The following CCNJ variants were observed in gnomAD, a reference collection of about 807,000 sequenced individuals.
The protein encoded by CCNJ is cyclin J, also known as cyclin-J.
In CCNJ, 12 loss-of-function variants were observed where a neutral mutation model predicts 41.4. That is an observed-to-expected ratio of 0.29 (90% CI 0.19 to 0.47). The LOEUF is 0.47. Among genes scored for constraint, CCNJ ranks in the 20% least tolerant of loss-of-function variants. CCNJ has a pLI of 1.00. For synonymous variants in CCNJ, 161 were observed against 173.4 expected, an observed-to-expected ratio of 0.93 and a Z score of 0.56; for missense variants, 340 against 464.6, an observed-to-expected ratio of 0.73 and a Z score of 2.47.
chr10:96,056,645 A>G (rs915238835), intron 3 of CCNJ, 56 bp from the exon 4 acceptor site: 40 of 1,310,144 alleles, frequency 3.1e-5, no homozygotes, highest in Non-Finnish European at 4.3e-6. Flanking sequence ...TGACTAGACC[A>G]ATAATGATCA....
At chr10:96,043,800 C>CCTCT (rs2080279302) in intron 1 of CCNJ, 81 bp downstream of exon 1, 2 of 384,602 alleles carry the variant, frequency 5.2e-6, no homozygotes, top group Admixed American at 9.0e-5. Context: ...GGGTGAGGCG[C>CCTCT]AGAGCCTGGC....
At chr10:96,047,638 AAAC>A (rs1400606877) in intron 2 of CCNJ, among the ~76,000 whole-genome samples, 1 of 152,224 alleles carries the variant, frequency 6.6e-6, no homozygotes, top group African/African-American at 2.4e-5. Context: ...CTGTCTCAAA[AAAC>A]AACAATTGAT....
intron 4 of CCNJ, 43 bp downstream of exon 4, chr10:96,057,043 A>C: frequency 6.2e-7 from 1 of 1,612,460 alleles, no homozygotes; most frequent in Non-Finnish European, 8.5e-7. Flanking sequence ...TGCACTTGTG[A>C]CTCGTGTATT....
At chr10:96,051,300 G>C (rs1384858749) in intron 3 of CCNJ, among the ~76,000 whole-genome samples, 1 of 152,020 alleles carries the variant, frequency 6.6e-6, no homozygotes, top group Non-Finnish European at 1.5e-5. Flanking sequence ...TCTCACTGAA[G>C]ATAGGGCACG....
At chr10:96,051,716 A>AT (rs1248580199) in intron 3 of CCNJ, among the ~76,000 whole-genome samples, 1 of 152,168 alleles carries the variant, frequency 6.6e-6, no homozygotes, top group Non-Finnish European at 1.5e-5. Context: ...AACCAAATGT[A>AT]GTCCTATGTA....
At chr10:96,044,728 AATTTGATCTTGT>A (rs1201417065) in intron 2 of CCNJ, among the ~76,000 whole-genome samples, 2 of 152,152 alleles carry the variant, frequency 1.3e-5, no homozygotes, top group Non-Finnish European at 2.9e-5. Flanking sequence ...GTGGGTCATG[AATTTGATCTTGT>A]ATTTTAAAAG....
Position 96,050,336 on chromosome 10 carries a change from G to T in CCNJ, c.150G>T (p.Val50=). Residue 50 remains valine, a synonymous_variant, in exon 3 of 6, where the codon GTG becomes GTT. Coordinates refer to ENST00000465148, the MANE Select transcript of CCNJ (RefSeq NM_001134375.2). Reference sequence around the variant, plus strand: ...ATTTTGCTGACTTGATTGCCATTGTGAGCAATCGCTTCACACTCTGCCCTT... The same window carrying T: ...ATTTTGCTGACTTGATTGCCATTGTTAGCAATCGCTTCACACTCTGCCCTT... The part of the protein sequence containing the change: ...RRYFADLIAI[V]SNRFTLCPSA... The T allele has an allele frequency of 1.2e-6, 2 of 1,613,944 alleles. No homozygotes were observed. The highest frequency in any genetic ancestry group is 1.7e-6 in the Non-Finnish European group (2 of 1,179,878).
chr10:96,053,504 A>G (rs2080590677), intron 3 of CCNJ, among the ~76,000 whole-genome samples: 1 of 152,086 alleles, frequency 6.6e-6, no homozygotes, highest in Admixed American at 6.5e-5. Context: ...CTGGACCCTA[A>G]TTTGTCCAGG....
intron 3 of CCNJ, among the ~76,000 whole-genome samples, chr10:96,055,167 T>C (rs2080646891): frequency 6.6e-6 from 1 of 152,248 alleles, no homozygotes; most frequent in South Asian, 2.1e-4. Flanking sequence ...GGAAGGGCTA[T>C]CTAGATTCAA....
rs2080275323 is a variant in CCNJ, at chr10:96,043,684, A to G, written c.-77A>G. 2.5e-6 allele frequency: 1 copy of G among 393,508 alleles called. No individual in the cohort carries two copies. Among genetic ancestry groups the G allele is most frequent in the Non-Finnish European group, 4.5e-6 (1 of 222,854 alleles). The allele number at this position is 393,508 out of a possible 1,614,324, so 24.4% of individuals were successfully genotyped here. A position where few individuals can be genotyped will look rare whatever the true frequency, so the allele number is the denominator to read the frequency against. ...GAGCGGGGCCGGCGTCCGCCGCACG[A>G]CGGCGGGGCTGGGGCTGTGAGGGCC... is the stretch of plus-strand genomic sequence containing the variant. On this transcript the variant is annotated 5_prime_UTR_variant, in exon 1 of 6. Coordinates refer to ENST00000465148, the MANE Select transcript of CCNJ (RefSeq NM_001134375.2).
intron 5 of CCNJ, among the ~76,000 whole-genome samples, 171 bp from the exon 6 acceptor site, chr10:96,057,659 G>C (rs1198976392): frequency 2.6e-5 from 4 of 152,194 alleles, no homozygotes; most frequent in African/African-American, 9.7e-5. Context: ...AAGGGAAATA[G>C]CTTTAGAAGA....
Position 96,058,682 on chromosome 10 carries a change from AG to A in CCNJ, c.*443del. On this transcript the variant is annotated 3_prime_UTR_variant, in exon 6 of 6. Coordinates refer to ENST00000465148, the MANE Select transcript of CCNJ (RefSeq NM_001134375.2). The stretch of plus-strand genomic sequence containing the variant: ...AAAGTTACAGTATTAATTTTTGAAA[AG>A]GTTTTTTTTATTCTGCAATTTTTTA... 1 of 398,364 alleles carries A rather than the reference AG, an allele frequency of 2.5e-6. No individual in the cohort carries two copies. Among genetic ancestry groups the A allele is most frequent in the Non-Finnish European group, 4.4e-6 (1 of 226,194 alleles). 24.7% of individuals were successfully genotyped at this position (398,364 alleles called of 1,614,324 possible).
intron 2 of CCNJ, among the ~76,000 whole-genome samples, chr10:96,045,930 C>T (rs1350246296): frequency 6.6e-6 from 1 of 152,090 alleles, no homozygotes; most frequent in Non-Finnish European, 1.5e-5. Context: ...CCACTGCGCC[C>T]AGCCAAGAGT....
chr10:96,044,457 T>C lies in CCNJ; in HGVS notation c.64T>C (p.Tyr22His), dbSNP rs1355398879. The C allele has an allele frequency of 6.4e-7, 1 of 1,552,752 alleles. No individual in the cohort carries two copies. The highest frequency in any genetic ancestry group is 2.4e-5 in the East Asian group (1 of 40,986). Residue 22 changes from tyrosine (Y) to histidine (H), a missense_variant, in exon 2 of 6, where the codon TAC becomes CAC. By Grantham distance (83) the Tyr-to-His change is moderately conservative (BLOSUM62 2). Around this residue, in one of 3 missense-constraint regions of CCNJ, gnomAD observed 44 missense variants for 43.6 expected, o/e 1.01. Coordinates refer to ENST00000465148, the MANE Select transcript of CCNJ (RefSeq NM_001134375.2). Reference sequence around the variant, plus strand: ...CGCCGATATTCACCAAGCGCTTCGCTACAAGGTAACTCCGAGGCCCGGCCT... The same window carrying C: ...CGCCGATATTCACCAAGCGCTTCGCCACAAGGTAACTCCGAGGCCCGGCCT... ...LAADIHQALR[Y>H]KELKLPSYKG...
Position 96,058,327 on chromosome 10 carries a change from A to G in CCNJ, c.*86A>G. The G allele has an allele frequency of 8.7e-7, 1 of 1,147,862 alleles. No homozygotes were observed. The allele number at this position is 1,147,862 out of a possible 1,614,324, so 71.1% of individuals were successfully genotyped here. A position where few individuals can be genotyped will look rare whatever the true frequency, so the allele number is the denominator to read the frequency against. Reference sequence around the variant, plus strand: ...TTTTGTAAACTTCTGTTCAAAAGGAAAGGGATCTAAATGACATCAGAACTC... The same window carrying G: ...TTTTGTAAACTTCTGTTCAAAAGGAGAGGGATCTAAATGACATCAGAACTC... On this transcript the variant is annotated 3_prime_UTR_variant, in exon 6 of 6. Coordinates refer to ENST00000465148, the MANE Select transcript of CCNJ (RefSeq NM_001134375.2).
chr10:96,043,652 G>A lies in CCNJ; in HGVS notation c.-109G>A, dbSNP rs151011430. On this transcript the variant is annotated 5_prime_UTR_variant, in exon 1 of 6. Transcript: ENST00000465148. ...GCCGGCGCTTAGCGGCCCACTGTCC[G>A]CAGCATGAGCGGGGCCGGCGTCCGC... 2,378 of 394,720 alleles carry A rather than the reference G, an allele frequency of 6.0e-3. 12 individuals are homozygous for A. Among genetic ancestry groups the A allele is most frequent in the Middle Eastern group, 0.015 (24 of 1,568 alleles). The allele number at this position is 394,720 out of a possible 1,614,324, so 24.5% of individuals were successfully genotyped here.
upstream of CCNJ, among the ~76,000 whole-genome samples, chr10:96,043,178 CT>C (rs2080261567): frequency 6.6e-6 from 1 of 152,238 alleles, no homozygotes; most frequent in African/African-American, 2.4e-5. Context: ...AAACGCCAAA[CT>C]GAGGCGTCGG....
Position 96,049,575 on chromosome 10 carries a change from A to G in CCNJ, c.70-681A>G, listed in dbSNP as rs574832445. Among the ~76,000 whole-genome samples the G allele has an allele frequency of 4.3e-5, 6 of 140,724 alleles. No homozygotes were observed. The South Asian group carries it at 1.1e-3, about 26-fold the overall frequency. 92.3% of individuals were successfully genotyped at this position (140,724 alleles called of 152,430 possible). A position where few individuals can be genotyped will look rare whatever the true frequency, so the allele number is the denominator to read the frequency against. Reference sequence around the variant, plus strand: ...TATTGTGATACCTGTTGGGTTTAGTATCAGTATTATGCTGATCTTATAAAA... The same window carrying G: ...TATTGTGATACCTGTTGGGTTTAGTGTCAGTATTATGCTGATCTTATAAAA... On this transcript the variant is annotated intron_variant, in intron 2 of 5. Coordinates refer to ENST00000465148, the MANE Select transcript of CCNJ (RefSeq NM_001134375.2).
chr10:96,049,659 T>C (rs999235754), intron 2 of CCNJ, among the ~76,000 whole-genome samples: 5 of 152,044 alleles, frequency 3.3e-5, no homozygotes, highest in Non-Finnish European at 7.4e-5. Context: ...TAGTATAGAA[T>C]TTTTCCAGTT....
Sources: gnomAD v4.1 joint callset for allele counts (sites outside exome capture counted in the v4.1 genomes callset) on GRCh38, gnomAD v4.1.1 for gene constraint, gnomAD v4.1.1 regional missense constraint, MANE v1.5 for transcripts, NCBI Gene and HGNC (gene_info 2026-07-23, HGNC 2026-07-21) for gene names.